ENO4: variants seen among roughly 807,000 people sequenced by gnomAD.
The protein encoded by ENO4 is 2-phospho-D-glycerate hydro-lyase.
Under a neutral mutation model 63.2 loss-of-function variants are expected in ENO4, and 53 were observed. The observed-to-expected ratio is 0.84, with a 90% CI of 0.67 to 1.05. The LOEUF is 1.05. Among genes scored for constraint, ENO4 ranks in the 50% least tolerant of loss-of-function variants. The probability of loss-of-function intolerance (pLI) is 0.00; values close to 1 mark genes in which losing one functional copy is unlikely to be tolerated. For synonymous variants in ENO4, 266 were observed against 283.8 expected, an observed-to-expected ratio of 0.94 and a Z score of 0.63; for missense variants, 719 against 772.0, an observed-to-expected ratio of 0.93 and a Z score of 0.81.
chr10:116,901,409 T>C (rs962920594), intron 10 of ENO4: 7 of 985,420 alleles, frequency 7.1e-6, no homozygotes, highest in Non-Finnish European at 8.4e-6. Flanking sequence ...TAGTATCTTC[T>C]TGGGCTGCTC....
chr10:116,900,268 G>T lies in ENO4; in HGVS notation c.1195-11231G>T, dbSNP rs187840743. 3.6e-3 allele frequency: 1,659 copies of T among 461,892 alleles called. 6 individuals are homozygous for T. The highest frequency in any genetic ancestry group is 9.9e-3 in the Middle Eastern group (17 of 1,716). The allele number at this position is 461,892 out of a possible 1,614,324, so 28.6% of individuals were successfully genotyped here. ...CACAGTATTTGTATTAGAGCTTTAA[G>T]TAGATAAATTAAACTGGAATGTGTC... is the stretch of plus-strand genomic sequence containing the variant. On this transcript the variant is annotated intron_variant, in intron 10 of 10. Coordinates refer to the ENO4 transcript ENST00000369207.
In ENO4 at chr10:116,881,657, A is replaced by G; in HGVS notation, c.1866A>G (p.Ala622=). 6.5e-7 allele frequency: 1 copy of G among 1,545,834 alleles called. No homozygotes were observed. The highest frequency in any genetic ancestry group is 8.7e-7 in the Non-Finnish European group (1 of 1,144,812). ...TAGAGGAATCAGCCGAAACAGGAGC[A>G]TCCTCTGGATAGGGCTGTACACACC... ...QGVEESAETG[A]SSG is the part of the protein sequence containing the mutation. The change falls in exon 14 of 14, where the codon GCA becomes GCG. Residue 622 remains alanine, a synonymous_variant. Coordinates refer to ENST00000341276, the MANE Select transcript of ENO4 (RefSeq NM_001242699.2).
At chr10:116,853,244 A>G (rs1048923364) in intron 1 of ENO4, among the ~76,000 whole-genome samples, 9 of 150,612 alleles carry the variant, frequency 6.0e-5, no homozygotes, top group Admixed American at 1.3e-4. Flanking sequence ...GCAGCGAGCC[A>G]AGATTGTGCC....
downstream of ENO4, chr10:116,886,688 T>G: frequency 7.6e-7 from 1 of 1,316,870 alleles, no homozygotes; most frequent in Non-Finnish European, 1.0e-6. Context: ...AACATGCATA[T>G]AGTAGTCTTT....
chr10:116,861,222 A>T (rs1846401170), intron 6 of ENO4, 32 bp downstream of exon 6: 4 of 57,076 alleles, frequency 7.0e-5, no homozygotes, highest in Non-Finnish European at 1.3e-4. Flanking sequence ...TACCTTTTCT[A>T]AAAAAAAAAA....
At chr10:116,858,520 T>A (rs558852103) in intron 3 of ENO4, among the ~76,000 whole-genome samples, 2 of 152,326 alleles carry the variant, frequency 1.3e-5, no homozygotes, top group South Asian at 4.1e-4. Flanking sequence ...AAATTTTACA[T>A]AAATGCATCT....
chr10:116,879,357 TG>T lies in ENO4; in HGVS notation c.1605+1del. 1.3e-6 allele frequency: 2 copies of T among 1,548,758 alleles called. No individual in the cohort carries two copies. The highest frequency in any genetic ancestry group is 1.2e-5 in the South Asian group (1 of 83,746). Reference protein sequence around the residue: ...GESSDDSLVDLAVGLGVRFIK... With the variant: ...GESSDDSLVDXAVGLGVRFIK... ...TCATCTGATGACAGCCTTGTCGATT[TG>T]GTAAGTGCTGAATGCTGGTCAACTG... On this transcript the variant is annotated frameshift_variant and splice_region_variant, in exon 12 of 14. Transcript: ENST00000341276. LOFTEE classifies it high-confidence loss of function.
At chr10:116,860,413 G>A (rs1022978309) in intron 4 of ENO4, among the ~76,000 whole-genome samples, 15 of 152,150 alleles carry the variant, frequency 9.9e-5, no homozygotes, top group African/African-American at 2.7e-4. Context: ...AGCAGCTATG[G>A]TGAAATATAG....
At chr10:116,894,827 A>C (rs955472154) in intron 10 of ENO4, among the ~76,000 whole-genome samples, 2 of 152,236 alleles carry the variant, frequency 1.3e-5, no homozygotes, top group African/African-American at 2.4e-5. Context: ...CGCCACTTTC[A>C]GATAAGATGG....
chr10:116,886,454 C>A (rs751085650), downstream of ENO4: 14 of 1,613,516 alleles, frequency 8.7e-6, no homozygotes, highest in South Asian at 1.5e-4. Flanking sequence ...TTTTCAGCAA[C>A]CTGGTCTTTG....
At chr10:116,852,379 T>C (rs1227479210) in intron 1 of ENO4, among the ~76,000 whole-genome samples, 4 of 152,228 alleles carry the variant, frequency 2.6e-5, no homozygotes, top group Non-Finnish European at 5.9e-5. Context: ...AACAATACAA[T>C]TTATTCCATC....
In ENO4 at chr10:116,881,691, C is replaced by A; in HGVS notation, c.*22C>A. On this transcript the variant is annotated 3_prime_UTR_variant, in exon 14 of 14. Transcript: ENST00000341276. ...ATAGGGCTGTACACACCCCAGGTTC[C>A]AGCCACACCATCAGTATTAGTAGAC... The A allele has an allele frequency of 6.8e-7, 1 of 1,465,328 alleles. No individual in the cohort carries two copies. 90.8% of individuals were successfully genotyped at this position (1,465,328 alleles called of 1,614,324 possible). A position where few individuals can be genotyped will look rare whatever the true frequency, so the allele number is the denominator to read the frequency against.
intron 8 of ENO4, among the ~76,000 whole-genome samples, chr10:116,869,501 G>A (rs953533978): frequency 5.3e-5 from 8 of 152,160 alleles, no homozygotes; most frequent in Admixed American, 4.6e-4. Flanking sequence ...GAGAAGACAT[G>A]GCAAAGATAA....
intron 3 of ENO4, among the ~76,000 whole-genome samples, chr10:116,858,095 T>C (rs1350227811): frequency 6.6e-6 from 1 of 152,198 alleles, no homozygotes; most frequent in East Asian, 1.9e-4. Flanking sequence ...CACTCCTTTT[T>C]TTCCTGGCAT....
At chr10:116,855,020 A>G (rs1846219205) in intron 1 of ENO4, among the ~76,000 whole-genome samples, 1 of 151,626 alleles carries the variant, frequency 6.6e-6, no homozygotes, top group Non-Finnish European at 1.5e-5. Flanking sequence ...ATTGACTATA[A>G]GAACGCCTGC....
chr10:116,861,376 C>T (rs969909518), intron 6 of ENO4, among the ~76,000 whole-genome samples, 186 bp downstream of exon 6: 4 of 152,066 alleles, frequency 2.6e-5, no homozygotes, highest in Non-Finnish European at 5.9e-5. Context: ...TGCAGAGCAA[C>T]TTAGATGTCT....
At chr10:116,878,491 C>G (rs1245793756) in intron 11 of ENO4, among the ~76,000 whole-genome samples, 1 of 152,184 alleles carries the variant, frequency 6.6e-6, no homozygotes, top group East Asian at 1.9e-4. Context: ...TTCTAGTAAA[C>G]ATTCAGAATG....
chr10:116,878,707 TAATAA>T (rs56957307), intron 11 of ENO4, among the ~76,000 whole-genome samples: 89,044 of 147,814 alleles, frequency 0.6, 29,804 homozygotes, highest in Non-Finnish European at 0.76. Flanking sequence ...CTTTTAGTGG[TAATAA>T]AATAATAGTG....
rs2133266484 is a variant in ENO4 at position 116,868,694 on chromosome 10, CAA to C, written c.1038_1039del (p.Gly348SerfsTer17). 6.5e-7 allele frequency: 1 copy of C among 1,550,266 alleles called. No homozygotes were observed. The highest frequency in any genetic ancestry group is 8.7e-7 in the Non-Finnish European group (1 of 1,146,700). On this transcript the variant is annotated frameshift_variant, in exon 8 of 14. Transcript: ENST00000341276. LOFTEE classifies it high-confidence loss of function. The stretch of plus-strand genomic sequence containing the variant: ...AGACAAAAAAAGGGCACGATGGAAG[CAA>C]AAGAGGTCAAGTAAGTCTATATATT... ...AETKKGHDGSKRGQQQITGKM... is the reference protein window; with the variant it reads ...AETKKGHDGSXRGQQQITGKM...
Sources: allele counts gnomAD v4.1 joint callset (sites outside exome capture counted in the v4.1 genomes callset), GRCh38; gene constraint gnomAD v4.1.1; transcripts MANE v1.5; gene names NCBI Gene and HGNC (gene_info 2026-07-23, HGNC 2026-07-21).